The following EZH2 variants were observed in gnomAD, a reference collection of about 807,000 sequenced individuals.
EZH2 encodes histone-lysine N-methyltransferase EZH2.
EZH2 carries 18 observed loss-of-function variants against 98.4 expected under a neutral mutation model. The ratio of observed to expected loss-of-function variants is 0.18; its 90% CI spans 0.13 to 0.27. The LOEUF (loss-of-function observed/expected upper bound fraction) is 0.27. Ranked by LOEUF, EZH2 falls within the 10% of genes least tolerant of loss-of-function variation. The probability of loss-of-function intolerance (pLI) is 1.00; values close to 1 mark genes in which losing one functional copy is unlikely to be tolerated. For missense variants in EZH2, 470 were observed against 935.1 expected (o/e 0.50, Z 6.49); for synonymous variants, 338 against 312.3 (o/e 1.08, Z -0.87).
intron 15 of EZH2, among the ~76,000 whole-genome samples, chr7:148,812,062 T>G (rs1803232549): frequency 6.6e-6 from 1 of 152,208 alleles, no homozygotes. Flanking sequence ...AGTAATTCAC[T>G]TTCAACCTGA....
chr7:148,831,355 A>C (rs183070978), intron 4 of EZH2, among the ~76,000 whole-genome samples: 1 of 152,102 alleles, frequency 6.6e-6, no homozygotes, highest in East Asian at 1.9e-4. Context: ...ATCTCATTTA[A>C]ACTAGGGGTT....
chr7:148,829,813 A>G lies in EZH2; in HGVS notation c.399T>C (p.Tyr133=), dbSNP rs1808821378. Residue 133 remains tyrosine, a synonymous_variant, in exon 5 of 20, where the codon TAT becomes TAC. Transcript: ENST00000320356. ...EDETVLHNIP[Y]MGDEVLDQDG... ...CCTGATCTAAAACTTCATCTCCCAT[A>G]TAAGGAATGTTATGTAAAACAGTTT... is the stretch of plus-strand genomic sequence containing the variant. The G allele has an allele frequency of 1.3e-6, 2 of 1,598,114 alleles. No individual in the cohort carries two copies. Among genetic ancestry groups the G allele is most frequent in the South Asian group, 1.1e-5 (1 of 88,796 alleles).
chr7:148,855,465 G>A (rs1228295827), intron 1 of EZH2, among the ~76,000 whole-genome samples: 1 of 152,128 alleles, frequency 6.6e-6, no homozygotes, highest in Non-Finnish European at 1.5e-5. Context: ...CCAAGTTACT[G>A]CACATCTTTG....
At chr7:148,868,641 T>C (rs1184167311) in intron 1 of EZH2, among the ~76,000 whole-genome samples, 1 of 151,858 alleles carries the variant, frequency 6.6e-6, no homozygotes, top group Non-Finnish European at 1.5e-5. Context: ...AAGAAGAAAA[T>C]GAGAGGGCCA....
chr7:148,817,523 A>G (rs1804882797), intron 10 of EZH2, 132 bp from the exon 11 acceptor site: 3 of 844,094 alleles, frequency 3.6e-6, no homozygotes, highest in East Asian at 5.3e-5. Context: ...ACACTAACCC[A>G]TCGTAGTTCA....
At chr7:148,870,560 A>G (rs1311837126) in intron 1 of EZH2, among the ~76,000 whole-genome samples, 4 of 151,880 alleles carry the variant, frequency 2.6e-5, no homozygotes, top group Non-Finnish European at 4.4e-5. Context: ...AAAATTAGCT[A>G]GGGGTGGTGG....
chr7:148,811,414 G>T (rs548690088), intron 16 of EZH2, among the ~76,000 whole-genome samples: 4 of 152,272 alleles, frequency 2.6e-5, no homozygotes, highest in South Asian at 2.1e-4. Context: ...GCCTCCCAAA[G>T]TGCTGGGATT....
At chr7:148,845,427 G>A (rs1195746029) in intron 3 of EZH2, among the ~76,000 whole-genome samples, 2 of 152,112 alleles carry the variant, frequency 1.3e-5, no homozygotes, top group Admixed American at 6.5e-5. Context: ...CTTTACAGAG[G>A]TGTCACCTAA....
intron 19 of EZH2, among the ~76,000 whole-genome samples, chr7:148,808,731 G>C (rs1232727129): frequency 1.3e-5 from 2 of 152,158 alleles, no homozygotes; most frequent in Non-Finnish European, 2.9e-5. Flanking sequence ...AAAATCTATA[G>C]GACAGTGTGA....
intron 9 of EZH2, among the ~76,000 whole-genome samples, chr7:148,818,482 T>A (rs976173806): frequency 6.6e-6 from 1 of 152,226 alleles, no homozygotes; most frequent in Admixed American, 6.5e-5. Context: ...TACAGTCTAT[T>A]TAAAAGTGAA....
At chr7:148,808,975 A>C (rs1399124672) in intron 19 of EZH2, 96 bp downstream of exon 19, 20 of 963,956 alleles carry the variant, frequency 2.1e-5, no homozygotes, top group Non-Finnish European at 2.9e-5. Flanking sequence ...GTGACCCATC[A>C]AAAGAAGCAA....
At chr7:148,812,535 T>G (rs1803380344) in intron 15 of EZH2, among the ~76,000 whole-genome samples, 2 of 152,200 alleles carry the variant, frequency 1.3e-5, no homozygotes, top group Non-Finnish European at 2.9e-5. Context: ...GATCAGAAAC[T>G]AAATTAGCTA....
intron 12 of EZH2, 64 bp downstream of exon 12, chr7:148,816,616 TTAGG>T: frequency 8.3e-7 from 1 of 1,206,864 alleles, no homozygotes; most frequent in Non-Finnish European, 1.2e-6. Context: ...ACAACAGCCC[TTAGG>T]AAGGGCCTTG....
chr7:148,874,539 G>C (rs540495944), intron 1 of EZH2, among the ~76,000 whole-genome samples: 2 of 152,266 alleles, frequency 1.3e-5, no homozygotes, highest in African/African-American at 4.8e-5. Context: ...ACAATGCCAC[G>C]ATCACCTACA....
intron 3 of EZH2, among the ~76,000 whole-genome samples, chr7:148,845,547 C>G (rs544043155): frequency 6.6e-5 from 10 of 152,284 alleles, no homozygotes; most frequent in African/African-American, 2.2e-4. Context: ...ATATCACTGA[C>G]AAGTCTTTGA....
chr7:148,822,881 G>A (rs574867519), intron 8 of EZH2, among the ~76,000 whole-genome samples: 24 of 152,162 alleles, frequency 1.6e-4, no homozygotes, highest in African/African-American at 5.1e-4. Flanking sequence ...GGCAGAGGTC[G>A]CCGTGAGCCA....
In EZH2 at chr7:148,884,272, G is replaced by T; in HGVS notation, c.-116C>A. Reference sequence around the variant, plus strand: ...CTGAGTCCCACCGGGTGTCGGACGCGACCGGACCGAGCGCCAAACGCGGCA... The same window carrying T: ...CTGAGTCCCACCGGGTGTCGGACGCTACCGGACCGAGCGCCAAACGCGGCA... On this transcript the variant is annotated 5_prime_UTR_variant, in exon 1 of 20. Coordinates refer to ENST00000320356, the MANE Select transcript of EZH2 (RefSeq NM_004456.5). 5.5e-6 allele frequency: 1 copy of T among 183,444 alleles called. No individual in the cohort carries two copies. The highest frequency in any genetic ancestry group is 1.7e-4 in the South Asian group (1 of 5,868). 11.4% of individuals were successfully genotyped at this position (183,444 alleles called of 1,614,324 possible).
intron 1 of EZH2, among the ~76,000 whole-genome samples, chr7:148,863,436 T>A (rs1473390567): frequency 6.6e-6 from 1 of 152,072 alleles, no homozygotes. Flanking sequence ...GAGACTAATA[T>A]CTACTAAAAT....
intron 13 of EZH2, 107 bp from the exon 14 acceptor site, chr7:148,815,146 G>T: frequency 5.8e-6 from 8 of 1,387,074 alleles, no homozygotes; most frequent in African/African-American, 1.4e-5. Context: ...AGTGTAGCTG[G>T]CCTGCCTTTA....
Sources: allele counts gnomAD v4.1 joint callset (sites outside exome capture counted in the v4.1 genomes callset), GRCh38; gene constraint gnomAD v4.1.1; transcripts MANE v1.5; gene names NCBI Gene and HGNC (gene_info 2026-07-23, HGNC 2026-07-21).